Variants in SMAD2 observed in about 807,000 individuals in gnomAD.
SMAD2 encodes the protein MAD homolog 2.
In SMAD2, 8 loss-of-function variants were observed where a neutral mutation model predicts 64.4. The observed-to-expected ratio is 0.12, with a 90% CI of 0.07 to 0.22. SMAD2 has a LOEUF of 0.22. Among genes scored for constraint, SMAD2 ranks in the 10% least tolerant of loss-of-function variants. The pLI is 1.00. For missense variants in SMAD2, 289 were observed against 561.2 expected, an observed-to-expected ratio of 0.51 and a Z score of 4.90; for synonymous variants, 203 against 195.8, an observed-to-expected ratio of 1.04 and a Z score of -0.31.
intron 1 of SMAD2, among the ~76,000 whole-genome samples, chr18:47,918,988 C>G (rs1156311795): frequency 6.6e-6 from 1 of 152,026 alleles, no homozygotes; most frequent in Non-Finnish European, 1.5e-5. Context: ...AAGGGCCCAT[C>G]AAGACCCCAG....
At position 47,850,830 on chromosome 18, in the gene SMAD2, ATATTATG is replaced by A. The variant is rs1395001410; in HGVS notation, c.784+437_784+443del. Among the ~76,000 whole-genome samples the A allele has an allele frequency of 2.3e-3, 51 of 22,162 alleles. 1 individual carries two copies. The highest frequency in any genetic ancestry group is 0.012 in the African/African-American group (50 of 4,038). 14.5% of individuals were successfully genotyped at this position (22,162 alleles called of 152,430 possible). A position where few individuals can be genotyped will look rare whatever the true frequency, so the allele number is the denominator to read the frequency against. On this transcript the variant is annotated intron_variant, in intron 7 of 10. Coordinates refer to ENST00000262160, the MANE Select transcript of SMAD2 (RefSeq NM_005901.6). ...ATGTATAATATATTATATATTATAT[ATATTATG>A]TATATTATATATTATATATATTATA...
In SMAD2 at chr18:47,838,974, T is replaced by C. The variant is rs1403026680; in HGVS notation, c.*2853A>G. The stretch of plus-strand genomic sequence containing the variant: ...AAAATTCAACAAAGAGGGGATTCTA[T>C]CACTTAGAAAAATGAAAACCACACC... On this transcript the variant is annotated 3_prime_UTR_variant, in exon 11 of 11. Transcript: ENST00000262160. 4.3e-6 allele frequency: 1 copy of C among 232,284 alleles called. No individual in the cohort carries two copies. The highest frequency in any genetic ancestry group is 8.5e-6 in the Non-Finnish European group (1 of 117,898). The allele number at this position is 232,284 out of a possible 1,614,324, so 14.4% of individuals were successfully genotyped here.
chr18:47,913,690 C>G (rs1157205882), intron 1 of SMAD2, among the ~76,000 whole-genome samples: 1 of 152,086 alleles, frequency 6.6e-6, no homozygotes, highest in Non-Finnish European at 1.5e-5. Context: ...ACAATGTGTT[C>G]CAGGTTAAAA....
At chr18:47,905,442 A>G (rs2033865042) in intron 1 of SMAD2, among the ~76,000 whole-genome samples, 1 of 152,144 alleles carries the variant, frequency 6.6e-6, no homozygotes, top group African/African-American at 2.4e-5. Context: ...CATATGATAT[A>G]AAATTCATAT....
rs1443720796 is a variant in SMAD2 at position 47,838,292 on chromosome 18, C to G, written c.*3535G>C. 1.7e-5 allele frequency: 4 copies of G among 232,968 alleles called. No homozygotes were observed. Among genetic ancestry groups the G allele is most frequent in the Non-Finnish European group, 3.4e-5 (4 of 117,946 alleles). The allele number at this position is 232,968 out of a possible 1,614,324, so 14.4% of individuals were successfully genotyped here. On this transcript the variant is annotated 3_prime_UTR_variant, in exon 11 of 11. Coordinates refer to ENST00000262160, the MANE Select transcript of SMAD2 (RefSeq NM_005901.6). ...GTAAAAAATACAACTAGGTATTAAA[C>G]AATTTGTAAAAACTTACAAAGAAAA...
At chr18:47,849,090 G>C (rs1439178577) in intron 7 of SMAD2, among the ~76,000 whole-genome samples, 1 of 152,090 alleles carries the variant, frequency 6.6e-6, no homozygotes, top group Non-Finnish European at 1.5e-5. Context: ...CCAGAGCAAA[G>C]ATTAATGAGT....
chr18:47,905,174 A>T (rs545493712), intron 1 of SMAD2, among the ~76,000 whole-genome samples: 14 of 152,356 alleles, frequency 9.2e-5, no homozygotes, highest in African/African-American at 3.4e-4. Flanking sequence ...GTTTCAAGAT[A>T]AAGGGTCAAG....
rs1913874384 is a variant in SMAD2 at position 47,840,838 on chromosome 18, A to G, written c.*989T>C. On this transcript the variant is annotated 3_prime_UTR_variant, in exon 11 of 11. Coordinates refer to ENST00000262160, the MANE Select transcript of SMAD2 (RefSeq NM_005901.6). ...GGGATAAATATGTGGAAGTAATTCT[A>G]GCATATCCCTGAAAATAATTATACT... 4.3e-6 allele frequency: 1 copy of G among 231,964 alleles called. No individual in the cohort carries two copies. Among genetic ancestry groups the G allele is most frequent in the African/African-American group, 2.2e-5 (1 of 45,292 alleles). 14.4% of individuals were successfully genotyped at this position (231,964 alleles called of 1,614,324 possible). A position where few individuals can be genotyped will look rare whatever the true frequency, so the allele number is the denominator to read the frequency against.
At chr18:47,850,000 C>G (rs553457933) in intron 7 of SMAD2, among the ~76,000 whole-genome samples, 1 of 150,940 alleles carries the variant, frequency 6.6e-6, no homozygotes, top group East Asian at 1.9e-4. Flanking sequence ...GAGCAAGACT[C>G]TGTCTCAAAA....
At chr18:47,889,932 A>G (rs1048255117) in intron 2 of SMAD2, among the ~76,000 whole-genome samples, 2 of 152,256 alleles carry the variant, frequency 1.3e-5, no homozygotes, top group African/African-American at 4.8e-5. Context: ...ATCAGGTGTT[A>G]CATGATAAAA....
chr18:47,865,618 T>C (rs1469817250), intron 5 of SMAD2, among the ~76,000 whole-genome samples: 1 of 152,140 alleles, frequency 6.6e-6, no homozygotes, highest in Non-Finnish European at 1.5e-5. Context: ...TTCTATAGGG[T>C]AAAATATGGT....
Position 47,836,426 on chromosome 18 carries a change from G to T in SMAD2, c.*5401C>A, listed in dbSNP as rs1445839498. ...CTTAGTTACCAAGTTGCCAAAAAAT[G>T]GTATATTAAATGAACTGCCAAATGG... On this transcript the variant is annotated 3_prime_UTR_variant, in exon 11 of 11. Coordinates refer to ENST00000262160, the MANE Select transcript of SMAD2 (RefSeq NM_005901.6). 4 of 220,392 alleles carry T rather than the reference G, an allele frequency of 1.8e-5. No homozygotes were observed. The highest frequency in any genetic ancestry group is 9.0e-5 in the African/African-American group (4 of 44,608). 13.7% of individuals were successfully genotyped at this position (220,392 alleles called of 1,614,324 possible). A position where few individuals can be genotyped will look rare whatever the true frequency, so the allele number is the denominator to read the frequency against.
At chr18:47,891,930 C>G (rs2033215116) in intron 2 of SMAD2, among the ~76,000 whole-genome samples, 1 of 152,014 alleles carries the variant, frequency 6.6e-6, no homozygotes, top group Non-Finnish European at 1.5e-5. Context: ...CAGGACTTTT[C>G]TGGGTCACCC....
Position 47,838,982 on chromosome 18 carries a change from A to T in SMAD2, c.*2845T>A. The T allele has an allele frequency of 8.6e-6, 2 of 232,372 alleles. No individual in the cohort carries two copies. Among genetic ancestry groups the T allele is most frequent in the Non-Finnish European group, 1.7e-5 (2 of 117,930 alleles). The allele number at this position is 232,372 out of a possible 1,614,324, so 14.4% of individuals were successfully genotyped here. On this transcript the variant is annotated 3_prime_UTR_variant, in exon 11 of 11. Transcript: ENST00000262160. ...ACAAAGAGGGGATTCTATCACTTAG[A>T]AAAATGAAAACCACACCTATAAATG...
Position 47,837,150 on chromosome 18 carries a change from G to A in SMAD2, c.*4677C>T. On this transcript the variant is annotated 3_prime_UTR_variant, in exon 11 of 11. Transcript: ENST00000262160. ...TTTGAGCCATTTGTAAAATTAAAAT[G>A]ATTGATCAATTTGAATAGCAACCTT... The A allele has an allele frequency of 4.9e-6, 1 of 202,776 alleles. No homozygotes were observed. The allele number at this position is 202,776 out of a possible 1,614,324, so 12.6% of individuals were successfully genotyped here.
chr18:47,929,474 T>C (rs1320980201), intron 1 of SMAD2, among the ~76,000 whole-genome samples: 1 of 152,242 alleles, frequency 6.6e-6, no homozygotes, highest in Non-Finnish European at 1.5e-5. Flanking sequence ...ACAATTATTT[T>C]ACACATGTCG....
chr18:47,924,841 T>C (rs1301308548), intron 1 of SMAD2, among the ~76,000 whole-genome samples: 1 of 152,264 alleles, frequency 6.6e-6, no homozygotes, highest in East Asian at 1.9e-4. Context: ...TTAACCATTA[T>C]GTCTCTACAG....
chr18:47,896,715 T>C lies in SMAD2; in HGVS notation c.42A>G (p.Arg14=). 1 of 1,614,098 alleles carries C rather than the reference T, an allele frequency of 6.2e-7. No individual in the cohort carries two copies. Residue 14 remains arginine (R), a synonymous_variant, in exon 2 of 11, where the codon AGA becomes AGG. Coordinates refer to ENST00000262160, the MANE Select transcript of SMAD2 (RefSeq NM_005901.6). ...ILPFTPPVVK[R]LLGWKKSAGG... ...CAGCTGACTTCTTCCATCCCAGCAG[T>C]CTCTTCACAACTGGCGGCGTGAATG...
At chr18:47,883,200 T>C (rs1275578883) in intron 2 of SMAD2, among the ~76,000 whole-genome samples, 4 of 152,258 alleles carry the variant, frequency 2.6e-5, no homozygotes, top group Non-Finnish European at 5.9e-5. Context: ...CCCACATATG[T>C]GATATGCTGT....
Sources: allele counts gnomAD v4.1 joint callset (sites outside exome capture counted in the v4.1 genomes callset), GRCh38; gene constraint gnomAD v4.1.1; transcripts MANE v1.5; gene names NCBI Gene and HGNC (gene_info 2026-07-23, HGNC 2026-07-21).